ACAD11: variants seen among roughly 807,000 people sequenced by gnomAD.
The protein encoded by ACAD11 is acyl-Coenzyme A dehydrogenase family, member 11.
In ACAD11, 83 loss-of-function variants were observed where a neutral mutation model predicts 102.2. The observed-to-expected ratio is 0.81, with a 90% CI of 0.68 to 0.97. ACAD11 has a LOEUF of 0.97. Among genes scored for constraint, ACAD11 ranks in the 50% least tolerant of loss-of-function variants. The probability of loss-of-function intolerance (pLI) is 0.00; values close to 1 mark genes in which losing one functional copy is unlikely to be tolerated. For synonymous variants in ACAD11, 324 were observed against 319.8 expected, an observed-to-expected ratio of 1.01 and a Z score of -0.14; for missense variants, 901 against 951.7, an observed-to-expected ratio of 0.95 and a Z score of 0.70.
chr3:132,643,373 A>C (rs902281544), intron 2 of ACAD11, among the ~76,000 whole-genome samples: 1 of 152,196 alleles, frequency 6.6e-6, no homozygotes, highest in Non-Finnish European at 1.5e-5. Flanking sequence ...ACTAGCAGGA[A>C]AGTAGGCAGC....
At chr3:132,567,504 T>G (rs60080754) in intron 17 of ACAD11, among the ~76,000 whole-genome samples, 16,617 of 152,006 alleles carry the variant, frequency 0.11, 1,505 homozygotes, top group East Asian at 0.54. Flanking sequence ...AATCAAAATG[T>G]AGTTCTAAAA....
chr3:132,576,895 T>C, intron 16 of ACAD11, 49 bp downstream of exon 16: 1 of 1,284,320 alleles, frequency 7.8e-7, no homozygotes, highest in Non-Finnish European at 1.1e-6. Flanking sequence ...GATTTAGAGC[T>C]GAAATATTAA....
intron 19 of ACAD11, among the ~76,000 whole-genome samples, 153 bp downstream of exon 19, chr3:132,559,680 T>G (rs1936987996): frequency 6.6e-6 from 1 of 152,110 alleles, no homozygotes; most frequent in South Asian, 2.1e-4. Context: ...GAGCAACTAT[T>G]TCTTGGTGTT....
chr3:132,642,178 T>C (rs1295815857), intron 3 of ACAD11, 45 bp from the exon 4 acceptor site: 9 of 1,512,516 alleles, frequency 6.0e-6, no homozygotes, highest in Non-Finnish European at 8.1e-6. Flanking sequence ...GTATAATCAA[T>C]ACTTTGTCGA....
intron 12 of ACAD11, 58 bp downstream of exon 12, chr3:132,605,040 T>C (rs1171065913): frequency 7.5e-7 from 1 of 1,327,634 alleles, no homozygotes; most frequent in Non-Finnish European, 1.1e-6. Flanking sequence ...CTTCAGCTCA[T>C]CCATAATAAC....
chr3:132,635,111 G>A lies in ACAD11; in HGVS notation c.703-3632C>T, dbSNP rs554849231. 1.4e-3 allele frequency among the ~76,000 whole-genome samples: 215 copies of A among 151,408 alleles called. 1 individual carries two copies. The highest frequency in any genetic ancestry group is 2.5e-3 in the Non-Finnish European group (172 of 67,770). ...AAAAAAATAAAAAAATAAAGAAAAAGATTATAAATGAATACTCAAAGTTGA... is the reference window on the plus strand; with the variant it reads ...AAAAAAATAAAAAAATAAAGAAAAAAATTATAAATGAATACTCAAAGTTGA... On this transcript the variant is annotated intron_variant, in intron 5 of 19. Transcript: ENST00000264990.
At chr3:132,572,081 GAAAT>G (rs1937396884) in intron 17 of ACAD11, among the ~76,000 whole-genome samples, 2 of 152,080 alleles carry the variant, frequency 1.3e-5, no homozygotes, top group South Asian at 4.1e-4. Flanking sequence ...TCAGGCAAGA[GAAAT>G]AAATAAAGTG....
intron 13 of ACAD11, among the ~76,000 whole-genome samples, chr3:132,599,345 A>C (rs1239556171): frequency 6.6e-6 from 1 of 151,942 alleles, no homozygotes; most frequent in Admixed American, 6.6e-5. Context: ...ATCTCTACTA[A>C]AAATAGAAAA....
At chr3:132,595,506 G>A (rs897716332) in intron 13 of ACAD11, among the ~76,000 whole-genome samples, 1 of 152,116 alleles carries the variant, frequency 6.6e-6, no homozygotes, top group Non-Finnish European at 1.5e-5. Context: ...TATCAACAGA[G>A]TAAAGAGACA....
intron 13 of ACAD11, among the ~76,000 whole-genome samples, chr3:132,595,426 T>C (rs1234548132): frequency 6.6e-6 from 1 of 152,016 alleles, no homozygotes; most frequent in South Asian, 2.1e-4. Flanking sequence ...GATGAAGCAA[T>C]TGCAATAGAA....
intron 14 of ACAD11, 68 bp downstream of exon 14, chr3:132,579,424 A>T: frequency 3.9e-6 from 5 of 1,277,758 alleles, no homozygotes; most frequent in Non-Finnish European, 5.6e-6. Flanking sequence ...ATTTTAAGTA[A>T]ATTACCTAGA....
chr3:132,641,731 A>AGAAGAAGAAGAAG (rs1559974134), intron 4 of ACAD11, among the ~76,000 whole-genome samples: 2 of 151,016 alleles, frequency 1.3e-5, no homozygotes, highest in South Asian at 2.1e-4. Flanking sequence ...AAGAAGAAGA[A>AGAAGAAGAAGAAG]AAAACTGTAT....
intron 1 of ACAD11, among the ~76,000 whole-genome samples, chr3:132,655,367 G>A (rs1280081839): frequency 5.9e-5 from 9 of 152,176 alleles, no homozygotes; most frequent in Admixed American, 2.0e-4. Flanking sequence ...GCTCAAGCAT[G>A]TTTTAAGTCT....
chr3:132,584,333 T>C (rs564933564), intron 13 of ACAD11, among the ~76,000 whole-genome samples: 8 of 152,232 alleles, frequency 5.3e-5, no homozygotes, highest in Non-Finnish European at 8.8e-5. Context: ...TTGTCTCTTT[T>C]GATCTTTGTT....
intron 9 of ACAD11, among the ~76,000 whole-genome samples, chr3:132,624,189 CCAG>C (rs1939713055): frequency 6.6e-6 from 1 of 151,642 alleles, no homozygotes. Flanking sequence ...TCCTGTAATC[CCAG>C]CTACTCAGGA....
intron 9 of ACAD11, among the ~76,000 whole-genome samples, chr3:132,625,997 C>T (rs905874856): frequency 6.6e-6 from 1 of 152,184 alleles, no homozygotes; most frequent in African/African-American, 2.4e-5. Flanking sequence ...AAACAGCCTG[C>T]CCCAACTCCC....
chr3:132,597,272 T>C (rs1422521982), intron 13 of ACAD11: 4 of 152,158 alleles, frequency 2.6e-5, no homozygotes, highest in African/African-American at 7.2e-5. Flanking sequence ...AGTTAGGTCA[T>C]TTGATTTTAT....
intron 5 of ACAD11, among the ~76,000 whole-genome samples, chr3:132,634,760 A>G (rs1170588799): frequency 1.3e-5 from 2 of 152,176 alleles, no homozygotes; most frequent in Non-Finnish European, 2.9e-5. Context: ...TTGCAGGGAC[A>G]TGGATGAAGC....
Position 132,603,341 on chromosome 3 carries a change from A to G in ACAD11, c.1523-14T>C, listed in dbSNP as rs572976555. 8 of 1,610,718 alleles carry G rather than the reference A, an allele frequency of 5.0e-6. No individual in the cohort carries two copies. The Admixed American group carries it at 5.0e-5, about 10-fold the overall frequency. The stretch of plus-strand genomic sequence containing the variant: ...CTACATCAGGTTCTATAAATAAACA[A>G]AAGCTGAATTTACAGGCAGGCAGAT... On this transcript the variant is annotated splice_polypyrimidine_tract_variant and intron_variant, in intron 12 of 19. Transcript: ENST00000264990.
Sources: gnomAD v4.1 joint callset for allele counts (sites outside exome capture counted in the v4.1 genomes callset) on GRCh38, gnomAD v4.1.1 for gene constraint, MANE v1.5 for transcripts, NCBI Gene and HGNC (gene_info 2026-07-23, HGNC 2026-07-21) for gene names.